Variants in ADGRE5 observed in about 807,000 individuals in gnomAD.
The protein encoded by ADGRE5 is CD97 molecule.
Under a neutral mutation model 100.3 loss-of-function variants are expected in ADGRE5, and 72 were observed. That is an observed-to-expected ratio of 0.72 (90% CI 0.59 to 0.87). ADGRE5 has a LOEUF of 0.87. ADGRE5 is among the 40% of genes least tolerant of loss of function. ADGRE5 has a pLI of 0.00. For missense variants in ADGRE5, 959 were observed against 1,094.7 expected, an observed-to-expected ratio of 0.88 and a Z score of 1.75; for synonymous variants, 439 against 447.8, an observed-to-expected ratio of 0.98 and a Z score of 0.25.
In ADGRE5 at chr19:14,404,582, C is replaced by A; in HGVS notation, c.1629+20C>A. The A allele has an allele frequency of 6.2e-7, 1 of 1,607,980 alleles. No homozygotes were observed. Among genetic ancestry groups the A allele is most frequent in the East Asian group, 2.2e-5 (1 of 44,658 alleles). On this transcript the variant is annotated intron_variant, in intron 13 of 19. Transcript: ENST00000242786. ...GTGGAGGTAAGTAGCTGGAGGCATC[C>A]TCAAGTGCCCACAGGTAATGAGGTC... is the stretch of plus-strand genomic sequence containing the variant.
chr19:14,401,690 C>T lies in ADGRE5; in HGVS notation c.1113C>T (p.Asn371=), dbSNP rs61733711. ...TGATCCAGGAGCGGGGGGACAAGAACGTCACTATGGGTCAGAGCAGCGCAC... is the reference window on the plus strand; with the variant it reads ...TGATCCAGGAGCGGGGGGACAAGAATGTCACTATGGGTCAGAGCAGCGCAC... The part of the protein sequence containing the change: ...TLMIQERGDK[N]VTMGQSSARM... The change falls in exon 11 of 20, where the codon AAC becomes AAT. Residue 371 remains asparagine (N), a synonymous_variant. Transcript: ENST00000242786. The surrounding 1 kb of genome is among the most constrained non-coding windows in gnomAD (Gnocchi z 4.1). The T allele has an allele frequency of 3.3e-3, 5,176 of 1,592,024 alleles. 131 individuals are homozygous for T. The African/African-American group carries it at 0.056, about 17-fold the overall frequency.
Position 14,406,631 on chromosome 19 carries a change from T to C in ADGRE5, c.2049-69T>C, listed in dbSNP as rs1212468494. 1 of 1,602,140 alleles carries C rather than the reference T, an allele frequency of 6.2e-7. No individual in the cohort carries two copies. Among genetic ancestry groups the C allele is most frequent in the East Asian group, 2.2e-5 (1 of 44,826 alleles). On this transcript the variant is annotated intron_variant, in intron 15 of 19. Transcript: ENST00000242786. The surrounding 1 kb of genome is among the most constrained non-coding windows in gnomAD (Gnocchi z 6.0). Reference sequence around the variant, plus strand: ...GGCTCACAGGCAGTGCCACACACAATGTCCGGCCGCCCTCCGTTCCGCTCC... The same window carrying C: ...GGCTCACAGGCAGTGCCACACACAACGTCCGGCCGCCCTCCGTTCCGCTCC...
chr19:14,404,307 CTT>C lies in ADGRE5; in HGVS notation c.1450-75_1450-74del, dbSNP rs1354422315. 38 of 1,418,876 alleles carry C rather than the reference CTT, an allele frequency of 2.7e-5. No individual in the cohort carries two copies. The East Asian group carries it at 8.5e-4, about 32-fold the overall frequency. The allele number at this position is 1,418,876 out of a possible 1,614,324, so 87.9% of individuals were successfully genotyped here. A position where few individuals can be genotyped will look rare whatever the true frequency, so the allele number is the denominator to read the frequency against. On this transcript the variant is annotated intron_variant, in intron 12 of 19. Transcript: ENST00000242786. ...TACTCATCTAGTAAAAAGCAGCCCTCTTAGACTCAGCCCAAGCCCAGGACCTA... is the reference window on the plus strand; with the variant it reads ...TACTCATCTAGTAAAAAGCAGCCCTCAGACTCAGCCCAAGCCCAGGACCTA...
Position 14,408,327 on chromosome 19 carries a change from T to C in ADGRE5, c.*206T>C. The stretch of plus-strand genomic sequence containing the variant: ...GTGGAGTCGGAGCCACTGGTCCTGC[T>C]GCTGGCTGCCTCTCTGCTCCACCTT... On this transcript the variant is annotated 3_prime_UTR_variant, in exon 20 of 20. Coordinates refer to ENST00000242786, the MANE Select transcript of ADGRE5 (RefSeq NM_078481.4). The C allele has an allele frequency of 3.1e-6, 2 of 645,342 alleles. No individual in the cohort carries two copies. Among genetic ancestry groups the C allele is most frequent in the Non-Finnish European group, 2.8e-6 (1 of 361,194 alleles). The allele number at this position is 645,342 out of a possible 1,614,324, so 40.0% of individuals were successfully genotyped here. A position where few individuals can be genotyped will look rare whatever the true frequency, so the allele number is the denominator to read the frequency against.
rs377711177 is a variant in ADGRE5 at position 14,408,200 on chromosome 19, G to A, written c.*79G>A. 2.0e-4 allele frequency: 292 copies of A among 1,472,082 alleles called. No homozygotes were observed. In the African/African-American group the frequency reaches 3.4e-3, roughly 17 times the overall value. 91.2% of individuals were successfully genotyped at this position (1,472,082 alleles called of 1,614,324 possible). On this transcript the variant is annotated 3_prime_UTR_variant, in exon 20 of 20. Coordinates refer to ENST00000242786, the MANE Select transcript of ADGRE5 (RefSeq NM_078481.4). ...CACGAAGACCATCCATCCTCCCTTC[G>A]TCCACCACTCTACTCCCTCCACCCT...
chr19:14,405,667 G>GT (rs1711839451), intron 13 of ADGRE5, 81 bp from the exon 14 acceptor site: 7 of 1,047,120 alleles, frequency 6.7e-6, no homozygotes, highest in Middle Eastern at 4.6e-4. Context: ...CCGTCAAAGT[G>GT]TGGGGGGGAA....
At chr19:14,394,617 G>T (rs761051897) in intron 4 of ADGRE5, among the ~76,000 whole-genome samples, 1 of 152,112 alleles carries the variant, frequency 6.6e-6, no homozygotes, top group Non-Finnish European at 1.5e-5. Flanking sequence ...ATGACATGGC[G>T]TGTGGTGGCG....
Position 14,407,238 on chromosome 19 carries a change from C to T in ADGRE5, c.2376+9C>T. 6.2e-7 allele frequency: 1 copy of T among 1,613,552 alleles called. No individual in the cohort carries two copies. Among genetic ancestry groups the T allele is most frequent in the Non-Finnish European group, 8.5e-7 (1 of 1,179,728 alleles). ...GCCTGCTCAACAAGAAGGTGGGGGC[C>T]TGGGCACAGTGGCGCACGCCTGTCA... On this transcript the variant is annotated intron_variant, in intron 18 of 19. Transcript: ENST00000242786.
chr19:14,406,377 T>A lies in ADGRE5; in HGVS notation c.1868T>A (p.Phe623Tyr). Residue 623 changes from phenylalanine to tyrosine, a missense_variant, in exon 15 of 20, where the codon TTC becomes TAC. Physicochemically the swap from Phe to Tyr is conservative, Grantham distance 22 (BLOSUM62 3). Around this residue, in one of 6 missense-constraint regions of ADGRE5, gnomAD observed 428 missense variants for 386.2 expected, o/e 1.11. Transcript: ENST00000242786. This position sits in a 1 kb window ranked among gnomAD's most constrained non-coding sequence, Gnocchi z 6.0. ...RLVAGLLHYC[F>Y]LAAFCWMSLE... ...GTGGCCGGGCTGCTGCACTACTGTTTCCTGGCCGCCTTCTGCTGGATGAGC... is the reference window on the plus strand; with the variant it reads ...GTGGCCGGGCTGCTGCACTACTGTTACCTGGCCGCCTTCTGCTGGATGAGC... 1.3e-6 allele frequency: 2 copies of A among 1,588,340 alleles called. No homozygotes were observed. The highest frequency in any genetic ancestry group is 1.7e-6 in the Non-Finnish European group (2 of 1,168,544).
intron 13 of ADGRE5, 155 bp from the exon 14 acceptor site, chr19:14,405,593 C>G (rs1012467076): frequency 8.0e-6 from 5 of 622,792 alleles, no homozygotes; most frequent in Admixed American, 2.7e-5. Context: ...CCCTAGACTC[C>G]CCTTCCAGCT....
rs535831728 is a variant in ADGRE5, at chr19:14,398,492, AC to A, written c.897+358del. Among the ~76,000 whole-genome samples the A allele has an allele frequency of 5.0e-3, 700 of 141,286 alleles. 6 individuals carry two copies. Among genetic ancestry groups the A allele is most frequent in the African/African-American group, 0.018 (664 of 37,432 alleles). The allele number at this position is 141,286 out of a possible 152,430, so 92.7% of individuals were successfully genotyped here. A position where few individuals can be genotyped will look rare whatever the true frequency, so the allele number is the denominator to read the frequency against. On this transcript the variant is annotated intron_variant, in intron 9 of 19. Transcript: ENST00000242786. ...AGACCATTCTGGCTAACATGGTGAAACCCCCGTCTCTACTAACAATACAAAA... is the reference window on the plus strand; with the variant it reads ...AGACCATTCTGGCTAACATGGTGAAACCCCGTCTCTACTAACAATACAAAA...
chr19:14,393,213 A>G (rs35133209), intron 4 of ADGRE5, among the ~76,000 whole-genome samples: 54,882 of 151,692 alleles, frequency 0.36, 10,182 homozygotes, highest in East Asian at 0.61. Context: ...AAAAAAAAAA[A>G]AAATCACTTA....
rs541003063 is a variant in ADGRE5, at chr19:14,405,463, C to T, written c.1630-285C>T. 16 of 377,682 alleles carry T rather than the reference C, an allele frequency of 4.2e-5. 1 individual carries two copies. In the Admixed American group the frequency reaches 5.6e-4, roughly 13 times the overall value. The allele number at this position is 377,682 out of a possible 1,614,324, so 23.4% of individuals were successfully genotyped here. On this transcript the variant is annotated intron_variant, in intron 13 of 19. Coordinates refer to ENST00000242786, the MANE Select transcript of ADGRE5 (RefSeq NM_078481.4). ...CCAGCCTGGAGCACCACTTTCTGTA[C>T]GTGACTTCAGTAGGATCCATCGTTA...
chr19:14,408,142 C>G lies in ADGRE5; in HGVS notation c.*21C>G. 6.2e-7 allele frequency: 1 copy of G among 1,611,800 alleles called. No homozygotes were observed. The highest frequency in any genetic ancestry group is 8.5e-7 in the Non-Finnish European group (1 of 1,179,558). On this transcript the variant is annotated 3_prime_UTR_variant, in exon 20 of 20. Coordinates refer to ENST00000242786, the MANE Select transcript of ADGRE5 (RefSeq NM_078481.4). ...TATGAAGGCGCATGGTTCTGGACGG[C>G]CCAGCAGCTCCTGTGGCCACAGCAG...
chr19:14,393,742 G>A (rs995671753), intron 4 of ADGRE5, among the ~76,000 whole-genome samples: 1 of 152,188 alleles, frequency 6.6e-6, no homozygotes, highest in East Asian at 1.9e-4. Flanking sequence ...CATATACCTG[G>A]GACGTACACC....
At position 14,406,400 on chromosome 19, in the gene ADGRE5, A is replaced by G. The variant is rs1159503118; in HGVS notation, c.1891A>G (p.Ser631Gly). ...TTTCCTGGCCGCCTTCTGCTGGATG[A>G]GCCTCGAAGGCCTGGAGCTCTACTT... Reference protein sequence around the residue: ...YCFLAAFCWMSLEGLELYFLV... With the variant: ...YCFLAAFCWMGLEGLELYFLV... Residue 631 changes from serine (S) to glycine (G), a missense_variant, in exon 15 of 20, where the codon AGC (serine) becomes GGC (glycine). Coordinates refer to ENST00000242786, the MANE Select transcript of ADGRE5 (RefSeq NM_078481.4). The surrounding 1 kb of genome is among the most constrained non-coding windows in gnomAD (Gnocchi z 6.0). 1 of 1,593,066 alleles carries G rather than the reference A, an allele frequency of 6.3e-7. No homozygotes were observed. The highest frequency in any genetic ancestry group is 1.1e-5 in the South Asian group (1 of 88,026).
In ADGRE5 at chr19:14,404,758, T is replaced by G. The variant is rs937945110; in HGVS notation, c.1629+196T>G. On this transcript the variant is annotated intron_variant, in intron 13 of 19. Coordinates refer to ENST00000242786, the MANE Select transcript of ADGRE5 (RefSeq NM_078481.4). ...TCTCTACAACCCAGCAACTATACAC[T>G]GGGTGCAGCCACTAGCTCCGCTCCT... 3 of 549,096 alleles carry G rather than the reference T, an allele frequency of 5.5e-6. No individual in the cohort carries two copies. In the East Asian group the frequency reaches 1.0e-4, roughly 19 times the overall value. 34.0% of individuals were successfully genotyped at this position (549,096 alleles called of 1,614,324 possible).
intron 1 of ADGRE5, among the ~76,000 whole-genome samples, chr19:14,387,024 A>C (rs903797651): frequency 1.3e-5 from 2 of 152,090 alleles, no homozygotes; most frequent in African/African-American, 4.8e-5. Flanking sequence ...CAGAAAAAAA[A>C]TAAAATAAAT....
chr19:14,405,974 G>T lies in ADGRE5; in HGVS notation c.1821+35G>T, dbSNP rs570586995. 26 of 1,568,554 alleles carry T rather than the reference G, an allele frequency of 1.7e-5. 1 individual carries two copies. The South Asian group carries it at 2.3e-4, about 14-fold the overall frequency. Reference sequence around the variant, plus strand: ...CGCCCCGCTCCCTCCTGAGCTCTGGGGTCAGGGAGGCCTGGGAGGGGTTAG... The same window carrying T: ...CGCCCCGCTCCCTCCTGAGCTCTGGTGTCAGGGAGGCCTGGGAGGGGTTAG... On this transcript the variant is annotated intron_variant, in intron 14 of 19. Coordinates refer to ENST00000242786, the MANE Select transcript of ADGRE5 (RefSeq NM_078481.4).
Sources: gnomAD v4.1 joint callset for allele counts (sites outside exome capture counted in the v4.1 genomes callset) on GRCh38, gnomAD v4.1.1 for gene constraint, gnomAD v4.1.1 regional missense constraint, Gnocchi (gnomAD v3.1) non-coding constraint, MANE v1.5 for transcripts, NCBI Gene and HGNC (gene_info 2026-07-23, HGNC 2026-07-21) for gene names.